LSAMP: variants seen among roughly 807,000 people sequenced by gnomAD.
LSAMP encodes limbic system associated membrane protein.
LSAMP carries 7 observed loss-of-function variants against 38.6 expected under a neutral mutation model. The observed-to-expected ratio is 0.18, with a 90% CI of 0.10 to 0.34. The LOEUF is 0.34. LSAMP is among the 10% of genes least tolerant of loss of function. The probability of loss-of-function intolerance (pLI) is 1.00; values close to 1 mark genes in which losing one functional copy is unlikely to be tolerated. For synonymous variants in LSAMP, 154 were observed against 166.8 expected, an observed-to-expected ratio of 0.92 and a Z score of 0.59; for missense variants, 313 against 420.0, an observed-to-expected ratio of 0.75 and a Z score of 2.23.
intron 1 of LSAMP, among the ~76,000 whole-genome samples, chr3:116,314,314 T>C (rs1042108603): frequency 2.6e-4 from 39 of 152,216 alleles, no homozygotes; most frequent in Non-Finnish European, 5.9e-5. Flanking sequence ...CTTCATAGAA[T>C]TGTTATGAAG....
intron 6 of LSAMP, chr3:115,834,466 T>A (rs953976024): frequency 1.1e-6 from 1 of 950,926 alleles, no homozygotes. Flanking sequence ...TATGTGAATT[T>A]TTTGAATGTG....
At position 116,224,003 on chromosome 3, in the gene LSAMP, G is replaced by C. The variant is rs117735131; in HGVS notation, c.156-137447C>G. On this transcript the variant is annotated intron_variant, in intron 1 of 6. Transcript: ENST00000490035. ...CTTTTCCCCTCAGTCTCTTTCTAAT[G>C]AACTTTCTTAAAAAAAAAAACTTTC... is the stretch of plus-strand genomic sequence containing the variant. Among the ~76,000 whole-genome samples the C allele has an allele frequency of 8.5e-4, 128 of 151,326 alleles. 1 individual carries two copies. The East Asian group carries it at 0.023, about 27-fold the overall frequency.
intron 1 of LSAMP, among the ~76,000 whole-genome samples, chr3:116,386,516 A>C (rs985572510): frequency 2.0e-5 from 3 of 152,086 alleles, no homozygotes; most frequent in African/African-American, 7.2e-5. Context: ...TCTGTTGCCC[A>C]GATTGGAGAA....
At chr3:116,246,861 G>A (rs1443666956) in intron 1 of LSAMP, among the ~76,000 whole-genome samples, 1 of 152,142 alleles carries the variant, frequency 6.6e-6, no homozygotes, top group Non-Finnish European at 1.5e-5. Context: ...AAAATGTCCT[G>A]GTAGTGGTGA....
intron 1 of LSAMP, among the ~76,000 whole-genome samples, chr3:116,256,036 T>G (rs1052045968): frequency 6.6e-6 from 1 of 152,206 alleles, no homozygotes; most frequent in Non-Finnish European, 1.5e-5. Context: ...TTATCCGATC[T>G]AATGCAATAA....
chr3:116,287,776 A>G (rs977925014), intron 1 of LSAMP, among the ~76,000 whole-genome samples: 4 of 152,198 alleles, frequency 2.6e-5, no homozygotes, highest in Admixed American at 6.5e-5. Flanking sequence ...TGATCATTTC[A>G]TGCTCCAATC....
At chr3:116,089,355 T>TTTTTG (rs1426846039) in intron 1 of LSAMP, among the ~76,000 whole-genome samples, 19 of 152,298 alleles carry the variant, frequency 1.2e-4, no homozygotes, top group Non-Finnish European at 2.2e-4. Flanking sequence ...CATATACTTT[T>TTTTTG]TTTTGTTTTG....
chr3:115,903,471 TG>T (rs2107488462), intron 3 of LSAMP, among the ~76,000 whole-genome samples: 1 of 152,186 alleles, frequency 6.6e-6, no homozygotes, highest in Admixed American at 6.5e-5. Context: ...AACCTGTACA[TG>T]TACCCTTGAA....
chr3:116,207,882 G>C (rs1450927394), intron 1 of LSAMP, among the ~76,000 whole-genome samples: 1 of 151,440 alleles, frequency 6.6e-6, no homozygotes, highest in East Asian at 2.0e-4. Context: ...ATGTGTCTTG[G>C]AGTTGCTCTT....
At chr3:116,347,474 T>C (rs944072792) in intron 1 of LSAMP, among the ~76,000 whole-genome samples, 6 of 152,310 alleles carry the variant, frequency 3.9e-5, no homozygotes, top group African/African-American at 1.4e-4. Flanking sequence ...TTGAAGGATT[T>C]GATAACTTAT....
At chr3:116,348,686 T>G (rs1230454095) in intron 1 of LSAMP, among the ~76,000 whole-genome samples, 2 of 152,184 alleles carry the variant, frequency 1.3e-5, no homozygotes, top group Non-Finnish European at 2.9e-5. Flanking sequence ...ACAGAATTAA[T>G]CCTCACTAGA....
At chr3:116,267,611 C>CAAAAA (rs59540404) in intron 1 of LSAMP, among the ~76,000 whole-genome samples, 35 of 140,120 alleles carry the variant, frequency 2.5e-4, no homozygotes, top group African/African-American at 8.4e-4. Flanking sequence ...TTTAAGCTGG[C>CAAAAA]AAAAAAAAAA....
chr3:116,155,438 G>T (rs1003190335), intron 1 of LSAMP, among the ~76,000 whole-genome samples: 1 of 151,952 alleles, frequency 6.6e-6, no homozygotes, highest in African/African-American at 2.4e-5. Context: ...ATGTTGGCCA[G>T]GCTGGTTTCG....
At chr3:115,816,760 GGAAA>G (rs1487504327) in intron 6 of LSAMP, 1 of 474,464 alleles carries the variant, frequency 2.1e-6, no homozygotes, top group Non-Finnish European at 3.6e-6. Context: ...GAGAAAAGGA[GGAAA>G]GAACATTTTA....
chr3:116,107,667 G>A (rs1401895861), intron 1 of LSAMP, among the ~76,000 whole-genome samples: 5 of 152,168 alleles, frequency 3.3e-5, no homozygotes, highest in African/African-American at 9.7e-5. Context: ...GAAGTAATGG[G>A]GTCTGTCTGT....
At chr3:116,245,612 T>A (rs1278192557) in intron 1 of LSAMP, among the ~76,000 whole-genome samples, 1 of 152,220 alleles carries the variant, frequency 6.6e-6, no homozygotes, top group South Asian at 2.1e-4. Flanking sequence ...TGCATCCTAG[T>A]ATGTATTGTT....
At chr3:116,323,448 A>G (rs1399271154) in intron 1 of LSAMP, among the ~76,000 whole-genome samples, 1 of 152,096 alleles carries the variant, frequency 6.6e-6, no homozygotes, top group Non-Finnish European at 1.5e-5. Context: ...ACATCCATTC[A>G]AAGTCCAGAG....
intron 2 of LSAMP, among the ~76,000 whole-genome samples, chr3:116,034,781 T>C (rs1425256698): frequency 1.3e-5 from 2 of 152,108 alleles, no homozygotes; most frequent in African/African-American, 4.8e-5. Context: ...GATTACAGGC[T>C]GTGTGAGAGA....
At position 116,121,943 on chromosome 3, in the gene LSAMP, G is replaced by A. The variant is rs73858542; in HGVS notation, c.156-35387C>T. Among the ~76,000 whole-genome samples, 468 of 141,710 alleles carry A rather than the reference G, an allele frequency of 3.3e-3. 3 individuals carry two copies. Among genetic ancestry groups the A allele is most frequent in the African/African-American group, 0.011 (438 of 38,732 alleles). The allele number at this position is 141,710 out of a possible 152,430, so 93.0% of individuals were successfully genotyped here. A position where few individuals can be genotyped will look rare whatever the true frequency, so the allele number is the denominator to read the frequency against. ...TCAGTAGTGTTAGTGTATTTTATGT[G>A]CGGCCCAAGACAATTATTCTTCCAA... On this transcript the variant is annotated intron_variant, in intron 1 of 6. Transcript: ENST00000490035.
Sources: gnomAD v4.1 joint callset for allele counts (sites outside exome capture counted in the v4.1 genomes callset) on GRCh38, gnomAD v4.1.1 for gene constraint, MANE v1.5 for transcripts, NCBI Gene and HGNC (gene_info 2026-07-23, HGNC 2026-07-21) for gene names.